The following C10orf90 variants were observed in gnomAD, a reference collection of about 807,000 sequenced individuals.
C10orf90 encodes (E2-independent) E3 ubiquitin-conjugating enzyme FATS.
In C10orf90, 56 loss-of-function variants were observed where a neutral mutation model predicts 62.5. The ratio of observed to expected loss-of-function variants is 0.90; its 90% CI spans 0.72 to 1.12. The LOEUF is 1.12. Among genes scored for constraint, C10orf90 ranks in the 50% most tolerant of loss-of-function variants. The pLI, the probability that C10orf90 is intolerant of heterozygous loss-of-function variation, is 0.00. For synonymous variants in C10orf90, 386 were observed against 340.4 expected (o/e 1.13, Z -1.47); for missense variants, 970 against 880.4 (o/e 1.10, Z -1.29).
chr10:126,657,998 C>G (rs1178910097), intron 1 of C10orf90, among the ~76,000 whole-genome samples: 1 of 152,188 alleles, frequency 6.6e-6, no homozygotes, highest in Non-Finnish European at 1.5e-5. Flanking sequence ...GGCACATGCA[C>G]TCCCTCACCA....
chr10:126,453,644 T>C lies in C10orf90; in HGVS notation c.2188+5396A>G, dbSNP rs954295898. ...GGGCTGAGTTTGAGCACTGTCAGGC[T>C]GAGTTAACTGCAGTGAGTACAGGCA... On this transcript the variant is annotated intron_variant, in intron 7 of 9. Transcript: ENST00000488181. The surrounding 1 kb of genome is among the most constrained non-coding windows in gnomAD (Gnocchi z 4.9). Among the ~76,000 whole-genome samples, 15 of 152,142 alleles carry C rather than the reference T, an allele frequency of 9.9e-5. No homozygotes were observed. Among genetic ancestry groups the C allele is most frequent in the African/African-American group, 3.6e-4 (15 of 41,436 alleles).
intron 1 of C10orf90, among the ~76,000 whole-genome samples, chr10:126,659,445 G>A (rs12356701): frequency 1.3e-5 from 2 of 152,184 alleles, no homozygotes; most frequent in East Asian, 3.8e-4. Context: ...GCTTGCATTA[G>A]ACATAAAATA....
intron 4 of C10orf90, among the ~76,000 whole-genome samples, chr10:126,495,888 A>C (rs1862020671): frequency 6.6e-6 from 1 of 152,184 alleles, no homozygotes; most frequent in African/African-American, 2.4e-5. Flanking sequence ...CTGAAGACTA[A>C]TGATAATTAC....
chr10:126,610,096 T>C (rs1180270392), intron 2 of C10orf90, among the ~76,000 whole-genome samples: 1 of 152,166 alleles, frequency 6.6e-6, no homozygotes, highest in Non-Finnish European at 1.5e-5. Context: ...TGTTCTCTGG[T>C]GGACCCCTCT....
chr10:126,616,683 C>G (rs760217396), intron 2 of C10orf90, among the ~76,000 whole-genome samples: 13 of 152,318 alleles, frequency 8.5e-5, no homozygotes, highest in Non-Finnish European at 1.8e-4. Context: ...TGAGCTTCAT[C>G]TTTCTGGTCT....
intron 3 of C10orf90, among the ~76,000 whole-genome samples, chr10:126,508,205 G>A (rs375087310): frequency 6.6e-6 from 1 of 152,064 alleles, no homozygotes; most frequent in African/African-American, 2.4e-5. Flanking sequence ...GTGTGTGTGT[G>A]TTGGTGGGGA....
intron 1 of C10orf90, among the ~76,000 whole-genome samples, chr10:126,658,679 C>T (rs2085192704): frequency 6.6e-6 from 1 of 152,126 alleles, no homozygotes; most frequent in Non-Finnish European, 1.5e-5. Context: ...GTAAAAAAGT[C>T]AAGAGACAGG....
intron 2 of C10orf90, among the ~76,000 whole-genome samples, chr10:126,529,020 G>T (rs946067779): frequency 1.3e-5 from 2 of 152,114 alleles, no homozygotes; most frequent in African/African-American, 4.8e-5. Context: ...CAGGCTAGTG[G>T]AAAAGAATAA....
At chr10:126,466,522 C>A (rs1256696582) in intron 4 of C10orf90, among the ~76,000 whole-genome samples, 1 of 152,182 alleles carries the variant, frequency 6.6e-6, no homozygotes, top group Non-Finnish European at 1.5e-5. Flanking sequence ...CCTGGAGTGC[C>A]CCCTGCTCCA....
intron 2 of C10orf90, among the ~76,000 whole-genome samples, chr10:126,529,556 T>C (rs1206909295): frequency 2.0e-5 from 3 of 152,090 alleles, no homozygotes; most frequent in Non-Finnish European, 4.4e-5. Context: ...AATGGAAAAA[T>C]AAGCAAAGAC....
chr10:126,495,848 A>G (rs1444263979), intron 4 of C10orf90, among the ~76,000 whole-genome samples: 1 of 152,164 alleles, frequency 6.6e-6, no homozygotes, highest in Non-Finnish European at 1.5e-5. Flanking sequence ...TCCCTTCTAA[A>G]TTCACTTCCT....
At chr10:126,634,066 T>C (rs909089416) in intron 2 of C10orf90, among the ~76,000 whole-genome samples, 2 of 152,200 alleles carry the variant, frequency 1.3e-5, no homozygotes, top group Non-Finnish European at 2.9e-5. Context: ...TGGAAAACAA[T>C]GTGGAGTTTC....
At chr10:126,643,005 T>C (rs1780020790) in intron 2 of C10orf90, among the ~76,000 whole-genome samples, 1 of 152,188 alleles carries the variant, frequency 6.6e-6, no homozygotes, top group African/African-American at 2.4e-5. Context: ...GCTCCAGAAG[T>C]TCTAGCCACC....
chr10:126,459,037 T>C lies in C10orf90; in HGVS notation c.2188+3A>G. 1 of 1,610,122 alleles carries C rather than the reference T, an allele frequency of 6.2e-7. No individual in the cohort carries two copies. Among genetic ancestry groups the C allele is most frequent in the Non-Finnish European group, 8.5e-7 (1 of 1,178,378 alleles). On this transcript the variant is annotated splice_donor_region_variant and intron_variant, in intron 7 of 9. Coordinates refer to ENST00000488181, the MANE Select transcript of C10orf90 (RefSeq NM_001350921.2). ...CAGTCTCCACAAGCCACCTGCAGCT[T>C]ACCACTCAGAGGATGGGGAATCGTG...
At chr10:126,614,271 C>T (rs1845496647) in intron 2 of C10orf90, among the ~76,000 whole-genome samples, 1 of 152,104 alleles carries the variant, frequency 6.6e-6, no homozygotes, top group Non-Finnish European at 1.5e-5. Context: ...GAGAAAACCA[C>T]AGAAATCAAA....
intron 4 of C10orf90, among the ~76,000 whole-genome samples, chr10:126,495,505 G>C (rs1289858844): frequency 6.6e-6 from 1 of 152,170 alleles, no homozygotes; most frequent in African/African-American, 2.4e-5. Flanking sequence ...GGAAATAAAA[G>C]AACATCTGAT....
intron 2 of C10orf90, among the ~76,000 whole-genome samples, chr10:126,537,549 G>A (rs561448377): frequency 3.3e-5 from 5 of 152,218 alleles, no homozygotes; most frequent in East Asian, 1.9e-4. Flanking sequence ...CAAAAGCCTC[G>A]GGTCTGAGCT....
At chr10:126,534,826 T>C (rs1864191456) in intron 2 of C10orf90, among the ~76,000 whole-genome samples, 1 of 152,194 alleles carries the variant, frequency 6.6e-6, no homozygotes, top group South Asian at 2.1e-4. Context: ...GGGAAGATGG[T>C]GCTGCCTTTC....
intron 7 of C10orf90, among the ~76,000 whole-genome samples, chr10:126,433,399 A>G (rs1038987666): frequency 2.6e-5 from 4 of 152,156 alleles, no homozygotes; most frequent in South Asian, 2.1e-4. Context: ...GGAAAACTCC[A>G]TAACAGGAGA....
Sources: gnomAD v4.1 joint callset for allele counts (sites outside exome capture counted in the v4.1 genomes callset) on GRCh38, gnomAD v4.1.1 for gene constraint, Gnocchi (gnomAD v3.1) non-coding constraint, MANE v1.5 for transcripts, NCBI Gene and HGNC (gene_info 2026-07-23, HGNC 2026-07-21) for gene names.